Variants in RGS8 observed in about 807,000 individuals in gnomAD.
RGS8 encodes the protein regulator of G protein signaling 8.
In RGS8, 8 loss-of-function variants were observed where a neutral mutation model predicts 21.7. That is an observed-to-expected ratio of 0.37 (90% CI 0.22 to 0.66). The LOEUF (loss-of-function observed/expected upper bound fraction) is 0.66. RGS8 is among the 30% of genes least tolerant of loss of function. The probability of loss-of-function intolerance (pLI) is 0.59; values close to 1 mark genes in which losing one functional copy is unlikely to be tolerated. For synonymous variants in RGS8, 80 were observed against 83.6 expected (o/e 0.96, Z 0.24); for missense variants, 157 against 217.9 (o/e 0.72, Z 1.76).
intron 5 of RGS8, among the ~76,000 whole-genome samples, chr1:182,656,070 A>G (rs1157473222): frequency 4.6e-5 from 7 of 152,248 alleles, no homozygotes; most frequent in Admixed American, 4.6e-4. Context: ...AGCCACGGAA[A>G]AGTGCCTAAT....
At chr1:182,674,319 C>T (rs1447854912), upstream of RGS8, among the ~76,000 whole-genome samples, 3 of 152,052 alleles carry the variant, frequency 2.0e-5, no homozygotes, top group East Asian at 5.8e-4. Context: ...ATAATATAGT[C>T]ACAAGAAGTC....
At chr1:182,711,750 C>A in the RGS8 span, among the ~76,000 whole-genome samples, 2 of 152,148 alleles carry the variant, frequency 1.3e-5, no homozygotes, top group African/African-American at 4.8e-5. Context: ...TATCTTGGCC[C>A]CAGATACTGG....
At chr1:182,662,198 A>G (rs1422386010) in intron 5 of RGS8, among the ~76,000 whole-genome samples, 1 of 152,188 alleles carries the variant, frequency 6.6e-6, no homozygotes, top group Non-Finnish European at 1.5e-5. Context: ...ATTTCAGCCT[A>G]TGAGGTGCTC....
At chr1:182,750,525 C>T in the RGS8 span, among the ~76,000 whole-genome samples, 1 of 152,174 alleles carries the variant, frequency 6.6e-6, no homozygotes, top group Admixed American at 6.5e-5. Context: ...AATTCTGTCA[C>T]AAAAGGTGAC....
the RGS8 span, chr1:182,712,758 T>C: frequency 9.8e-4 from 150 of 152,338 alleles, no homozygotes; most frequent in African/African-American, 3.5e-3. Flanking sequence ...TGACAGTTTA[T>C]ATTTCAAGAG....
downstream of RGS8, chr1:182,643,951 G>T (rs922457051): frequency 6.6e-6 from 1 of 152,286 alleles, no homozygotes; most frequent in African/African-American, 2.4e-5. Flanking sequence ...GCCTGCATAG[G>T]CCCAGGACTG....
chr1:182,722,019 A>G, the RGS8 span, among the ~76,000 whole-genome samples: 1 of 152,222 alleles, frequency 6.6e-6, no homozygotes, highest in African/African-American at 2.4e-5. Flanking sequence ...CAAACGTATC[A>G]GAATTGCTGT....
At chr1:182,649,562 GC>G (rs1249665210) in intron 5 of RGS8, among the ~76,000 whole-genome samples, 1 of 151,980 alleles carries the variant, frequency 6.6e-6, no homozygotes, top group Admixed American at 6.6e-5. Flanking sequence ...AATTAATATG[GC>G]TTTTCATTTT....
At chr1:182,746,454 T>A in the RGS8 span, among the ~76,000 whole-genome samples, 1 of 151,946 alleles carries the variant, frequency 6.6e-6, no homozygotes, top group African/African-American at 2.4e-5. Flanking sequence ...ATCACTTAAG[T>A]CCAGGAGTTC....
the RGS8 span, among the ~76,000 whole-genome samples, chr1:182,741,580 G>T: frequency 8.2e-6 from 1 of 121,608 alleles, no homozygotes; most frequent in Non-Finnish European, 1.8e-5. Flanking sequence ...CGGCCGGGCA[G>T]AGGCGCCCCT....
At chr1:182,741,386 G>A in the RGS8 span, among the ~76,000 whole-genome samples, 8 of 134,194 alleles carry the variant, frequency 6.0e-5, no homozygotes, top group East Asian at 7.2e-4. Flanking sequence ...CCTCCCGGAC[G>A]GGGCGGCTGG....
the RGS8 span, among the ~76,000 whole-genome samples, chr1:182,747,221 A>T: frequency 3.3e-5 from 5 of 151,408 alleles, no homozygotes; most frequent in South Asian, 1.0e-3. Context: ...ATCTTTAGAC[A>T]CATGTAATTT....
chr1:182,710,350 C>T, the RGS8 span, among the ~76,000 whole-genome samples: 2 of 152,120 alleles, frequency 1.3e-5, no homozygotes, highest in African/African-American at 4.8e-5. Context: ...GCAGGGACAC[C>T]CCTACCCTCT....
intron 5 of RGS8, among the ~76,000 whole-genome samples, chr1:182,655,835 T>C (rs188445131): frequency 2.0e-5 from 3 of 152,246 alleles, no homozygotes; most frequent in East Asian, 3.9e-4. Context: ...TCAATGTCAA[T>C]GTCAGTGTCA....
At chr1:182,649,420 CTT>C (rs1048028068) in intron 5 of RGS8, among the ~76,000 whole-genome samples, 3 of 152,134 alleles carry the variant, frequency 2.0e-5, no homozygotes, top group African/African-American at 7.2e-5. Flanking sequence ...TTGCAAGCCT[CTT>C]TTAAAAAAAA....
rs780322761 is a variant in RGS8 at position 182,671,743 on chromosome 1, T to C, written c.-177-13A>G. 3.7e-6 allele frequency: 6 copies of C among 1,613,980 alleles called. No homozygotes were observed. The highest frequency in any genetic ancestry group is 5.1e-6 in the Non-Finnish European group (6 of 1,179,902). On this transcript the variant is annotated splice_polypyrimidine_tract_variant and intron_variant, in intron 1 of 6. Coordinates refer to ENST00000483095, the Ensembl canonical transcript of RGS8. ...GGGTTAAGGTGTTCTGGGGAAAAAG[T>C]AGATCTTTCTTTTAGCAGTCAAATC... is the stretch of plus-strand genomic sequence containing the variant.
the RGS8 span, among the ~76,000 whole-genome samples, chr1:182,691,820 G>C: frequency 3.6e-3 from 542 of 151,956 alleles, 5 homozygotes; most frequent in African/African-American, 0.012. Flanking sequence ...CCTAGCCAGA[G>C]CAATCAGGCA....
chr1:182,741,890 C>G, the RGS8 span, among the ~76,000 whole-genome samples: 5 of 138,832 alleles, frequency 3.6e-5, no homozygotes, highest in South Asian at 2.3e-4. Flanking sequence ...CTGACCCCCC[C>G]ACCTCCCTCC....
At chr1:182,642,478 C>T (rs1662509976), downstream of RGS8, 2 of 152,368 alleles carry the variant, frequency 1.3e-5, no homozygotes, top group African/African-American at 4.8e-5. Flanking sequence ...TCTGCATTTG[C>T]TACTCATCCC....
Sources: allele counts gnomAD v4.1 joint callset (sites outside exome capture counted in the v4.1 genomes callset), GRCh38; gene constraint gnomAD v4.1.1; transcripts MANE v1.5; gene names NCBI Gene and HGNC (gene_info 2026-07-23, HGNC 2026-07-21).